PREX1: variants seen among roughly 807,000 people sequenced by gnomAD.
PREX1 encodes phosphatidylinositol-3,4,5-trisphosphate dependent Rac exchange factor 1, also known as phosphatidylinositol 3,4,5-trisphosphate-dependent Rac exchanger 1 protein.
In PREX1, 41 loss-of-function variants were observed where a neutral mutation model predicts 198.3. That is an observed-to-expected ratio of 0.21 (90% CI 0.16 to 0.27). The LOEUF (loss-of-function observed/expected upper bound fraction) is 0.27. Among genes scored for constraint, PREX1 ranks in the 10% least tolerant of loss-of-function variants. The pLI, the probability that PREX1 is intolerant of heterozygous loss-of-function variation, is 1.00. For missense variants in PREX1, 1,620 were observed against 2,200.7 expected (o/e 0.74, Z 5.28); for synonymous variants, 843 against 887.2 (o/e 0.95, Z 0.89).
chr20:48,756,448 G>C (rs1294635102), intron 1 of PREX1, among the ~76,000 whole-genome samples: 1 of 150,530 alleles, frequency 6.6e-6, no homozygotes, highest in Non-Finnish European at 1.5e-5. Context: ...GACATACTCT[G>C]AGAGGACTGG....
At chr20:48,830,138 A>T (rs962210354), upstream of PREX1, among the ~76,000 whole-genome samples, 1 of 152,164 alleles carries the variant, frequency 6.6e-6, no homozygotes, top group Non-Finnish European at 1.5e-5. Flanking sequence ...TCCAAGTGGG[A>T]GGATTGTTTG....
chr20:48,786,107 G>A (rs1046459819), intron 1 of PREX1, among the ~76,000 whole-genome samples: 1 of 152,140 alleles, frequency 6.6e-6, no homozygotes, highest in African/African-American at 2.4e-5. Flanking sequence ...CAGGGGCCAG[G>A]ATGGCTCTGG....
intron 1 of PREX1, among the ~76,000 whole-genome samples, chr20:48,776,586 C>T (rs936211510): frequency 1.3e-5 from 2 of 152,214 alleles, no homozygotes; most frequent in Non-Finnish European, 2.9e-5. Context: ...TCGGAAAACC[C>T]AGCAGGCCCC....
At chr20:48,727,231 G>A (rs192404786) in intron 4 of PREX1, among the ~76,000 whole-genome samples, 22 of 152,264 alleles carry the variant, frequency 1.4e-4, no homozygotes, top group Admixed American at 1.2e-3. Context: ...TGGGAGGAGT[G>A]TACGTGATTC....
chr20:48,710,416 C>T (rs191360166), intron 5 of PREX1, among the ~76,000 whole-genome samples: 1 of 152,176 alleles, frequency 6.6e-6, no homozygotes, highest in Non-Finnish European at 1.5e-5. Flanking sequence ...ACAGTAACAA[C>T]AGCTAATACT....
At position 48,666,258 on chromosome 20, in the gene PREX1, C is replaced by A. The variant is rs117698396; in HGVS notation, c.1738+25G>T. 27,549 of 1,546,398 alleles carry A rather than the reference C, an allele frequency of 0.018. 321 individuals carry two copies. The highest frequency in any genetic ancestry group is 0.04 in the Middle Eastern group (217 of 5,386). On this transcript the variant is annotated intron_variant, in intron 15 of 39. Transcript: ENST00000371941. This position sits in a 1 kb window ranked among gnomAD's most constrained non-coding sequence, Gnocchi z 4.3. ...GCTCCAGGGAGCAAGGTCCCGGGGG[C>A]TGGGCTGCAGGTGGGGGTGGTTACC...
At chr20:48,736,608 G>A (rs1347688463) in intron 3 of PREX1, among the ~76,000 whole-genome samples, 1 of 152,222 alleles carries the variant, frequency 6.6e-6, no homozygotes, top group African/African-American at 2.4e-5. Context: ...AGCTGGGTGA[G>A]TAGATGTCTG....
At chr20:48,863,188 A>C in the PREX1 span, among the ~76,000 whole-genome samples, 1 of 152,156 alleles carries the variant, frequency 6.6e-6, no homozygotes, top group Non-Finnish European at 1.5e-5. Context: ...AAGTACAGAG[A>C]GTTCCCTTAT....
At chr20:48,674,179 T>C (rs1349294812) in intron 14 of PREX1, among the ~76,000 whole-genome samples, 2 of 152,230 alleles carry the variant, frequency 1.3e-5, no homozygotes, top group African/African-American at 4.8e-5. Flanking sequence ...TCCCAGGACA[T>C]AGGGTCCCAT....
intron 2 of PREX1, among the ~76,000 whole-genome samples, chr20:48,745,427 T>A (rs1449484444): frequency 2.6e-5 from 4 of 152,228 alleles, no homozygotes; most frequent in Admixed American, 6.5e-5. Flanking sequence ...TAGAAACTAT[T>A]GTTATGCCCA....
intron 35 of PREX1, among the ~76,000 whole-genome samples, 158 bp downstream of exon 35, chr20:48,632,119 C>A (rs1039535942): frequency 6.6e-6 from 1 of 152,244 alleles, no homozygotes; most frequent in Admixed American, 6.5e-5. Context: ...CATTGAGAAT[C>A]TCACGCAGGC....
chr20:48,662,460 C>A (rs1000686053), intron 15 of PREX1, among the ~76,000 whole-genome samples: 1 of 152,226 alleles, frequency 6.6e-6, no homozygotes, highest in African/African-American at 2.4e-5. Flanking sequence ...TTCCTGACTT[C>A]ATGCCCTTTA....
At chr20:48,791,384 T>C (rs1398208574) in intron 1 of PREX1, among the ~76,000 whole-genome samples, 1 of 152,178 alleles carries the variant, frequency 6.6e-6, no homozygotes, top group Non-Finnish European at 1.5e-5. Flanking sequence ...GGAGGTGTTA[T>C]TATTACCCGT....
At chr20:48,791,876 C>T (rs922983713) in intron 1 of PREX1, among the ~76,000 whole-genome samples, 1 of 152,148 alleles carries the variant, frequency 6.6e-6, no homozygotes, top group Non-Finnish European at 1.5e-5. Flanking sequence ...CATTTCCTGC[C>T]ATTGGAAAAT....
Position 48,652,783 on chromosome 20 carries a change from G to T in PREX1, c.2347-77C>A, listed in dbSNP as rs186916159. 111 of 1,480,216 alleles carry T rather than the reference G, an allele frequency of 7.5e-5. No homozygotes were observed. In the East Asian group the frequency reaches 1.1e-3, roughly 14 times the overall value. 91.7% of individuals were successfully genotyped at this position (1,480,216 alleles called of 1,614,324 possible). A position where few individuals can be genotyped will look rare whatever the true frequency, so the allele number is the denominator to read the frequency against. ...AGGGGACAGGGCCGAGGTGTGAACT[G>T]CCCCTGGGTTCCAGAGCTCTGGAAA... is the stretch of plus-strand genomic sequence containing the variant. On this transcript the variant is annotated intron_variant, in intron 20 of 39. Transcript: ENST00000371941.
intron 1 of PREX1, among the ~76,000 whole-genome samples, chr20:48,810,512 T>C (rs1167260018): frequency 6.8e-6 from 1 of 147,676 alleles, no homozygotes; most frequent in African/African-American, 2.5e-5. Flanking sequence ...CCAGGAGGGG[T>C]TGGAGGCTGC....
chr20:48,851,053 ATTGGCACACAGCCACACTCCTT>A, the PREX1 span, among the ~76,000 whole-genome samples: 1 of 152,222 alleles, frequency 6.6e-6, no homozygotes, highest in Non-Finnish European at 1.5e-5. Context: ...ATAAAGTTTT[ATTGGCACACAGCCACACTCCTT>A]TGTTTACCTA....
intron 36 of PREX1, among the ~76,000 whole-genome samples, chr20:48,629,952 C>T (rs1225878219): frequency 6.6e-6 from 1 of 152,186 alleles, no homozygotes; most frequent in Non-Finnish European, 1.5e-5. Flanking sequence ...TCAAGACCAA[C>T]ACAAGCGCCC....
chr20:48,660,297 A>T (rs780848991), intron 15 of PREX1, among the ~76,000 whole-genome samples: 2 of 152,282 alleles, frequency 1.3e-5, no homozygotes, highest in African/African-American at 2.4e-5. Flanking sequence ...CTATAAAAAG[A>T]CATTAATATT....
Sources: gnomAD v4.1 joint callset for allele counts (sites outside exome capture counted in the v4.1 genomes callset) on GRCh38, gnomAD v4.1.1 for gene constraint, Gnocchi (gnomAD v3.1) non-coding constraint, MANE v1.5 for transcripts, NCBI Gene and HGNC (gene_info 2026-07-23, HGNC 2026-07-21) for gene names.